The following OXCT1 variants were observed in gnomAD, a reference collection of about 807,000 sequenced individuals.
The protein encoded by OXCT1 is 3-oxoacid CoA-transferase 1.
A neutral mutation model predicts 69.6 loss-of-function variants in OXCT1; 27 were observed. The ratio of observed to expected loss-of-function variants is 0.39; its 90% CI spans 0.29 to 0.54. OXCT1 has a LOEUF of 0.54. Ranked by LOEUF, OXCT1 falls within the 20% of genes least tolerant of loss-of-function variation. The pLI, the probability that OXCT1 is intolerant of heterozygous loss-of-function variation, is 0.72. For synonymous variants in OXCT1, 202 were observed against 217.8 expected, an observed-to-expected ratio of 0.93 and a Z score of 0.64; for missense variants, 437 against 650.2, an observed-to-expected ratio of 0.67 and a Z score of 3.57.
chr5:41,816,905 C>T (rs1227997907), intron 7 of OXCT1, among the ~76,000 whole-genome samples: 1 of 152,084 alleles, frequency 6.6e-6, no homozygotes, highest in Non-Finnish European at 1.5e-5. Flanking sequence ...GTGTCTCCTC[C>T]GTGGCTACCC....
chr5:41,849,763 C>A lies in OXCT1; in HGVS notation c.564+267G>T, dbSNP rs1222781574. 2.0e-5 allele frequency among the ~76,000 whole-genome samples: 3 copies of A among 152,180 alleles called. No homozygotes were observed. In the South Asian group the frequency reaches 6.2e-4, roughly 32 times the overall value. On this transcript the variant is annotated intron_variant, in intron 5 of 16. Coordinates refer to ENST00000196371, the MANE Select transcript of OXCT1 (RefSeq NM_000436.4). Reference sequence around the variant, plus strand: ...CTGTTTCTCAATTTGTTAAAGCCTACCATAAAATCAGTTCAAGTAACTAAC... The same window carrying A: ...CTGTTTCTCAATTTGTTAAAGCCTAACATAAAATCAGTTCAAGTAACTAAC...
intron 7 of OXCT1, among the ~76,000 whole-genome samples, chr5:41,809,823 T>C (rs929974346): frequency 6.6e-6 from 1 of 152,056 alleles, no homozygotes; most frequent in African/African-American, 2.4e-5. Context: ...TATGTCCTGG[T>C]AAAACAACTC....
At chr5:41,795,581 T>C (rs933930198) in intron 11 of OXCT1, among the ~76,000 whole-genome samples, 1 of 152,196 alleles carries the variant, frequency 6.6e-6, no homozygotes, top group Non-Finnish European at 1.5e-5. Context: ...ACACAGGAGA[T>C]GCACCGCAGT....
chr5:41,746,099 A>G (rs894740907), intron 15 of OXCT1, among the ~76,000 whole-genome samples: 2 of 152,150 alleles, frequency 1.3e-5, no homozygotes, highest in Non-Finnish European at 2.9e-5. Context: ...CACAACAAAA[A>G]AAGAGAATTT....
chr5:41,805,791 G>A, intron 8 of OXCT1, 110 bp from the exon 9 acceptor site: 5 of 746,408 alleles, frequency 6.7e-6, no homozygotes, highest in Non-Finnish European at 9.6e-6. Context: ...CCATTGTTAT[G>A]AGACAAATCT....
intron 14 of OXCT1, among the ~76,000 whole-genome samples, chr5:41,753,312 C>T (rs1476791820): frequency 1.6e-5 from 1 of 64,054 alleles, no homozygotes; most frequent in East Asian, 2.3e-4. Flanking sequence ...CACACATAGA[C>T]ACACACACAC....
chr5:41,818,122 T>C (rs1454885108), intron 7 of OXCT1, among the ~76,000 whole-genome samples: 1 of 152,194 alleles, frequency 6.6e-6, no homozygotes, highest in Non-Finnish European at 1.5e-5. Flanking sequence ...AGCATTGTGT[T>C]ACATGCTGGG....
At chr5:41,781,875 T>A (rs982128344) in intron 13 of OXCT1, among the ~76,000 whole-genome samples, 8 of 152,218 alleles carry the variant, frequency 5.3e-5, no homozygotes, top group African/African-American at 1.9e-4. Context: ...TTTAGGTTGA[T>A]TCCATGTCTT....
At chr5:41,755,376 T>C (rs1282032493) in intron 14 of OXCT1, among the ~76,000 whole-genome samples, 1 of 152,006 alleles carries the variant, frequency 6.6e-6, no homozygotes, top group South Asian at 2.1e-4. Context: ...GAATTTTTTT[T>C]CCCCAAACAG....
At chr5:41,793,918 C>T (rs1389434286) in intron 13 of OXCT1, 85 bp downstream of exon 13, 12 of 824,766 alleles carry the variant, frequency 1.5e-5, no homozygotes, top group Non-Finnish European at 1.9e-5. Flanking sequence ...TTTAAAGAAT[C>T]GTGATCTCAT....
intron 3 of OXCT1, among the ~76,000 whole-genome samples, chr5:41,860,799 T>TATTAC (rs1749693363): frequency 6.6e-6 from 1 of 152,110 alleles, no homozygotes; most frequent in South Asian, 2.1e-4. Context: ...AATCCTATTA[T>TATTAC]CTTAAGTGCT....
chr5:41,784,119 GAT>G (rs1282738555), intron 13 of OXCT1, among the ~76,000 whole-genome samples: 4 of 152,050 alleles, frequency 2.6e-5, no homozygotes, highest in Admixed American at 1.3e-4. Context: ...CAATAATTCT[GAT>G]ATTTCTCCAA....
At chr5:41,749,042 C>T (rs1000825507) in intron 15 of OXCT1, among the ~76,000 whole-genome samples, 6 of 151,962 alleles carry the variant, frequency 3.9e-5, no homozygotes, top group African/African-American at 1.4e-4. Flanking sequence ...TGAAACCCTA[C>T]TCTATAAAAG....
chr5:41,741,666 G>A (rs1258312586), intron 15 of OXCT1, among the ~76,000 whole-genome samples: 2 of 152,084 alleles, frequency 1.3e-5, no homozygotes, highest in Admixed American at 6.5e-5. Context: ...AACACACATC[G>A]CTGGGACCAG....
At chr5:41,800,989 G>A in intron 11 of OXCT1, 33 bp downstream of exon 11, 1 of 1,583,438 alleles carries the variant, frequency 6.3e-7, no homozygotes, top group Non-Finnish European at 8.7e-7. Context: ...AAAATTAATA[G>A]CAAAGGGAAG....
intron 9 of OXCT1, among the ~76,000 whole-genome samples, chr5:41,803,854 T>A: frequency 6.6e-6 from 1 of 152,216 alleles, no homozygotes; most frequent in South Asian, 2.1e-4. Context: ...TGATTACTAC[T>A]CAATGGTGTG....
intron 7 of OXCT1, among the ~76,000 whole-genome samples, chr5:41,836,675 T>G (rs964885040): frequency 6.6e-6 from 1 of 152,096 alleles, no homozygotes; most frequent in East Asian, 1.9e-4. Flanking sequence ...ATCCCTCACA[T>G]GCAGAGTTCA....
At chr5:41,854,858 T>C (rs1409639381) in intron 3 of OXCT1, among the ~76,000 whole-genome samples, 1 of 152,166 alleles carries the variant, frequency 6.6e-6, no homozygotes, top group Non-Finnish European at 1.5e-5. Context: ...ATGACCACCT[T>C]GGAAAAACTG....
intron 15 of OXCT1, among the ~76,000 whole-genome samples, chr5:41,742,281 T>C (rs1466511755): frequency 6.6e-6 from 1 of 152,198 alleles, no homozygotes. Context: ...TTTAGTGATA[T>C]AAGGTGCAAA....
Sources: gnomAD v4.1 joint callset for allele counts (sites outside exome capture counted in the v4.1 genomes callset) on GRCh38, gnomAD v4.1.1 for gene constraint, MANE v1.5 for transcripts, NCBI Gene and HGNC (gene_info 2026-07-23, HGNC 2026-07-21) for gene names.